The following GSKIP variants were observed in gnomAD, a reference collection of about 807,000 sequenced individuals.
The protein encoded by GSKIP is GSK3B-interacting protein.
A neutral mutation model predicts 11.9 loss-of-function variants in GSKIP; 5 were observed. That is an observed-to-expected ratio of 0.42 (90% CI 0.22 to 0.89). The LOEUF (loss-of-function observed/expected upper bound fraction) is 0.89. GSKIP is among the 40% of genes least tolerant of loss of function. GSKIP has a pLI of 0.29. For missense variants in GSKIP, 150 were observed against 166.6 expected (o/e 0.90, Z 0.55); for synonymous variants, 70 against 62.9 (o/e 1.11, Z -0.54).
intron 2 of GSKIP, among the ~76,000 whole-genome samples, chr14:96,380,529 T>C (rs1484528294): frequency 6.6e-6 from 1 of 152,214 alleles, no homozygotes; most frequent in Admixed American, 6.5e-5. Flanking sequence ...TATCTGTAAT[T>C]TTATAAGCTC....
intron 2 of GSKIP, chr14:96,380,427 A>G (rs2139941387): frequency 6.6e-6 from 1 of 152,328 alleles, no homozygotes; most frequent in South Asian, 2.1e-4. Flanking sequence ...AATTTAGAGC[A>G]GTGGCTGCAC....
intron 1 of GSKIP, among the ~76,000 whole-genome samples, chr14:96,372,204 C>T (rs1010257459): frequency 6.6e-6 from 1 of 152,096 alleles, no homozygotes; most frequent in Non-Finnish European, 1.5e-5. Context: ...GTCACAGAGC[C>T]GAGTATCACA....
At chr14:96,380,898 GTCTAA>G (rs1396455658) in intron 2 of GSKIP, among the ~76,000 whole-genome samples, 1 of 152,144 alleles carries the variant, frequency 6.6e-6, no homozygotes, top group South Asian at 2.1e-4. Context: ...TTTCTTACCA[GTCTAA>G]TCTAACTCCA....
At chr14:96,382,143 G>A in intron 2 of GSKIP, 104 bp from the exon 3 acceptor site, 1 of 728,822 alleles carries the variant, frequency 1.4e-6, no homozygotes, top group Non-Finnish European at 2.2e-6. Context: ...CTAGTGTTTT[G>A]TACTAAGGAG....
chr14:96,382,897 A>G (rs954451836), intron 3 of GSKIP, among the ~76,000 whole-genome samples: 2 of 152,230 alleles, frequency 1.3e-5, no homozygotes, highest in African/African-American at 4.8e-5. Context: ...TTAAAATAAC[A>G]TACTTGACAA....
At chr14:96,381,148 A>G (rs1889335496) in intron 2 of GSKIP, among the ~76,000 whole-genome samples, 1 of 152,258 alleles carries the variant, frequency 6.6e-6, no homozygotes, top group African/African-American at 2.4e-5. Context: ...GCACTTTCAC[A>G]TTAACTTTTC....
At chr14:96,383,705 G>A (rs1218573995) in intron 3 of GSKIP, among the ~76,000 whole-genome samples, 2 of 152,112 alleles carry the variant, frequency 1.3e-5, no homozygotes, top group Non-Finnish European at 1.5e-5. Context: ...AAATTGCAAG[G>A]CCAGCATCTG....
At chr14:96,366,492 A>T (rs1046052857) in intron 1 of GSKIP, among the ~76,000 whole-genome samples, 1 of 152,254 alleles carries the variant, frequency 6.6e-6, no homozygotes, top group Non-Finnish European at 1.5e-5. Context: ...CTTTGGCTAC[A>T]GTAGGGTACA....
chr14:96,374,370 T>G (rs1889139899), intron 1 of GSKIP, among the ~76,000 whole-genome samples: 1 of 152,106 alleles, frequency 6.6e-6, no homozygotes, highest in East Asian at 1.9e-4. Context: ...GCCAGAAATT[T>G]TCCAAATTTG....
chr14:96,376,811 AAAAG>A (rs1336137391), intron 1 of GSKIP, among the ~76,000 whole-genome samples: 1 of 152,240 alleles, frequency 6.6e-6, no homozygotes, highest in East Asian at 1.9e-4. Context: ...GTGCTTAAAA[AAAAG>A]TCGGCTATGT....
chr14:96,381,328 C>G (rs898890275), intron 2 of GSKIP, among the ~76,000 whole-genome samples: 1 of 152,054 alleles, frequency 6.6e-6, no homozygotes, highest in Non-Finnish European at 1.5e-5. Context: ...TGGGTCAGTT[C>G]AAATTAATGG....
chr14:96,369,848 A>G (rs1888995663), intron 1 of GSKIP, among the ~76,000 whole-genome samples: 1 of 152,138 alleles, frequency 6.6e-6, no homozygotes, highest in South Asian at 2.1e-4. Context: ...GGTATTGCCT[A>G]GTAGAACAGG....
At chr14:96,380,019 G>T (rs890485194) in intron 2 of GSKIP, 1 of 152,122 alleles carries the variant, frequency 6.6e-6, no homozygotes, top group African/African-American at 2.4e-5. Context: ...CATTTTGTAT[G>T]TATAAGACCA....
chr14:96,381,214 C>G (rs965982455), intron 2 of GSKIP, among the ~76,000 whole-genome samples: 32 of 152,118 alleles, frequency 2.1e-4, no homozygotes, highest in African/African-American at 7.7e-4. Context: ...TCTTTTTTAA[C>G]CCCAGTTACA....
intron 1 of GSKIP, 129 bp downstream of exon 1, chr14:96,363,697 G>A (rs1029461426): frequency 6.6e-6 from 1 of 152,312 alleles, no homozygotes; most frequent in African/African-American, 2.4e-5. Context: ...GGGCCGAGAG[G>A]GGCGGCAGGC....
intron 1 of GSKIP, among the ~76,000 whole-genome samples, chr14:96,375,226 C>T (rs995100678): frequency 3.3e-5 from 5 of 151,508 alleles, no homozygotes; most frequent in Non-Finnish European, 5.9e-5. Context: ...AATTCAAAAG[C>T]AAGGAGGAAA....
rs1219672163 is a variant in GSKIP, at chr14:96,376,349, C to T, written c.-102-3339C>T. ...CTGACCTTTGCTTATGCTTTGTTCC[C>T]TACACAGAATTTTTCACAACTCTCA... On this transcript the variant is annotated intron_variant, in intron 1 of 3. Transcript: ENST00000555181. 4.6e-5 allele frequency among the ~76,000 whole-genome samples: 7 copies of T among 152,144 alleles called. No individual in the cohort carries two copies. In the East Asian group the frequency reaches 1.3e-3, roughly 29 times the overall value.
intron 1 of GSKIP, among the ~76,000 whole-genome samples, chr14:96,373,700 T>A (rs575604369): frequency 6.6e-6 from 1 of 152,134 alleles, no homozygotes; most frequent in Non-Finnish European, 1.5e-5. Context: ...TCGTAATTCA[T>A]AGGGCATTGG....
chr14:96,371,503 G>A lies in GSKIP; in HGVS notation c.-103+7935G>A, dbSNP rs1221974661. ...TCTGTCACCCAGGCTGGAGTACACT[G>A]GTGCAATCTCAGCTCACTGCAGCCT... On this transcript the variant is annotated intron_variant, in intron 1 of 3. Coordinates refer to ENST00000555181, the MANE Select transcript of GSKIP (RefSeq NM_016472.5). Among the ~76,000 whole-genome samples, 13 of 141,734 alleles carry A rather than the reference G, an allele frequency of 9.2e-5. No homozygotes were observed. In the East Asian group the frequency reaches 2.5e-3, roughly 27 times the overall value. The allele number at this position is 141,734 out of a possible 152,430, so 93.0% of individuals were successfully genotyped here.
Sources: allele counts gnomAD v4.1 joint callset (sites outside exome capture counted in the v4.1 genomes callset), GRCh38; gene constraint gnomAD v4.1.1; transcripts MANE v1.5; gene names NCBI Gene and HGNC (gene_info 2026-07-23, HGNC 2026-07-21).